Variants in CSNK1G1 observed in about 807,000 individuals in gnomAD.
CSNK1G1 encodes casein kinase I isoform gamma-1.
CSNK1G1 carries 22 observed loss-of-function variants against 59.6 expected under a neutral mutation model. The ratio of observed to expected loss-of-function variants is 0.37; its 90% CI spans 0.26 to 0.53. The LOEUF is 0.53. Among genes scored for constraint, CSNK1G1 ranks in the 20% least tolerant of loss-of-function variants. The probability of loss-of-function intolerance (pLI) is 0.89; values close to 1 mark genes in which losing one functional copy is unlikely to be tolerated. For missense variants in CSNK1G1, 384 were observed against 519.5 expected (o/e 0.74, Z 2.54); for synonymous variants, 179 against 177.1 (o/e 1.01, Z -0.08).
chr15:64,187,880 T>C (rs908928238), intron 10 of CSNK1G1, among the ~76,000 whole-genome samples: 3 of 152,158 alleles, frequency 2.0e-5, no homozygotes, highest in Non-Finnish European at 4.4e-5. Flanking sequence ...TCACATTGAT[T>C]CCAGGGAGAA....
rs10664838 is a variant in CSNK1G1 at position 64,201,706 on chromosome 15, ATGTGTGTGTGTGTG to A, written c.1107+1362_1107+1375del. On this transcript the variant is annotated intron_variant, in intron 10 of 11. Coordinates refer to ENST00000303052, the MANE Select transcript of CSNK1G1 (RefSeq NM_022048.5). ...TATTTGTGGGTGTACTCCATTGGAC[ATGTGTGTGTGTGTG>A]TGTGTGTGTGTGTGTGTGTGTGTGT... Among the ~76,000 whole-genome samples, 20 of 126,544 alleles carry A rather than the reference ATGTGTGTGTGTGTG, an allele frequency of 1.6e-4. 1 individual carries two copies. Among genetic ancestry groups the A allele is most frequent in the East Asian group, 1.1e-3 (5 of 4,636 alleles). The allele number at this position is 126,544 out of a possible 152,430, so 83.0% of individuals were successfully genotyped here.
In CSNK1G1 at chr15:64,275,865, AT is replaced by A. The variant is rs534899822; in HGVS notation, c.182-16625del. Among the ~76,000 whole-genome samples the A allele has an allele frequency of 4.2e-3, 632 of 152,276 alleles. 2 individuals are homozygous for A. The highest frequency in any genetic ancestry group is 0.015 in the African/African-American group (621 of 41,546). On this transcript the variant is annotated intron_variant, in intron 2 of 11. Transcript: ENST00000303052. ...TTAACTATGTGTATATTAAATCACA[AT>A]TTTTTTAGTGTGAGTTATGATCAAA... is the stretch of plus-strand genomic sequence containing the variant.
chr15:64,199,928 A>G (rs2082087014), intron 10 of CSNK1G1, among the ~76,000 whole-genome samples: 1 of 152,206 alleles, frequency 6.6e-6, no homozygotes, highest in Non-Finnish European at 1.5e-5. Flanking sequence ...AAGAATTTTA[A>G]AAAATAAAAA....
intron 1 of CSNK1G1, among the ~76,000 whole-genome samples, chr15:64,338,751 C>T (rs1227837728): frequency 7.4e-6 from 1 of 134,622 alleles, no homozygotes. Context: ...GGCGCGATAG[C>T]TTACACCTGT....
At chr15:64,234,476 G>C (rs2082589424) in intron 4 of CSNK1G1, among the ~76,000 whole-genome samples, 1 of 152,082 alleles carries the variant, frequency 6.6e-6, no homozygotes, top group African/African-American at 2.4e-5. Flanking sequence ...GAGGCTCAAA[G>C]CAGGTTTTTC....
rs939857481 is a variant in CSNK1G1, at chr15:64,170,182, A to G, written c.*1749T>C. 2 of 152,174 alleles carry G rather than the reference A, an allele frequency of 1.3e-5. No homozygotes were observed. Among genetic ancestry groups the G allele is most frequent in the Non-Finnish European group, 2.9e-5 (2 of 68,022 alleles). The allele number at this position is 152,174 out of a possible 1,614,324, so 9.4% of individuals were successfully genotyped here. Reference sequence around the variant, plus strand: ...TTGTTTGGTTAAGCCACTAAACTCAAATGAAAATTGGGCATGAGAAGAGTA... The same window carrying G: ...TTGTTTGGTTAAGCCACTAAACTCAGATGAAAATTGGGCATGAGAAGAGTA... On this transcript the variant is annotated 3_prime_UTR_variant, in exon 12 of 12. Coordinates refer to ENST00000303052, the MANE Select transcript of CSNK1G1 (RefSeq NM_022048.5).
intron 9 of CSNK1G1, 138 bp from the exon 10 acceptor site, chr15:64,203,327 C>A: frequency 1.5e-6 from 1 of 665,150 alleles, no homozygotes; most frequent in Non-Finnish European, 2.7e-6. Flanking sequence ...GTTGTCTTGT[C>A]TTCTCAGTTT....
At chr15:64,313,769 GA>G (rs1300433857) in intron 1 of CSNK1G1, among the ~76,000 whole-genome samples, 1 of 82,164 alleles carries the variant, frequency 1.2e-5, no homozygotes, top group Non-Finnish European at 2.6e-5. Context: ...TTAAAAGTAA[GA>G]AAAAAAATCT....
rs909187906 is a variant in CSNK1G1 at position 64,210,650 on chromosome 15, G to A, written c.680-3056C>T. On this transcript the variant is annotated intron_variant, in intron 6 of 11. Transcript: ENST00000303052. This position sits in a 1 kb window ranked among gnomAD's most constrained non-coding sequence, Gnocchi z 4.2. The stretch of plus-strand genomic sequence containing the variant: ...ATATTTGTTGAAGGCAGGGAGCAAG[G>A]TAACCCAGTGTTCTCACCCTAATTT... Among the ~76,000 whole-genome samples the A allele has an allele frequency of 6.6e-6, 1 of 152,098 alleles. No homozygotes were observed. Among genetic ancestry groups the A allele is most frequent in the Non-Finnish European group, 1.5e-5 (1 of 68,018 alleles).
chr15:64,265,905 G>A (rs1411109259), intron 2 of CSNK1G1: 4 of 440,238 alleles, frequency 9.1e-6, no homozygotes, highest in East Asian at 1.4e-4. Context: ...CAACATATGA[G>A]ACACTGCATC....
chr15:64,171,728 G>T lies in CSNK1G1; in HGVS notation c.*203C>A. 1 of 607,982 alleles carries T rather than the reference G, an allele frequency of 1.6e-6. No individual in the cohort carries two copies. The allele number at this position is 607,982 out of a possible 1,614,324, so 37.7% of individuals were successfully genotyped here. A position where few individuals can be genotyped will look rare whatever the true frequency, so the allele number is the denominator to read the frequency against. On this transcript the variant is annotated 3_prime_UTR_variant, in exon 12 of 12. Transcript: ENST00000303052. The surrounding 1 kb of genome is among the most constrained non-coding windows in gnomAD (Gnocchi z 4.8). ...ACAGCAGCTCTGGGACCTGCTCAGA[G>T]CCTTAGGCAGGCGGAGATGGCCAAT... is the stretch of plus-strand genomic sequence containing the variant.
intron 2 of CSNK1G1, among the ~76,000 whole-genome samples, chr15:64,265,098 T>C (rs1046956132): frequency 3.9e-5 from 6 of 152,066 alleles, no homozygotes; most frequent in Non-Finnish European, 5.9e-5. Flanking sequence ...GACCACATAA[T>C]CATATATATA....
chr15:64,211,098 T>C (rs1170728884), intron 6 of CSNK1G1, among the ~76,000 whole-genome samples: 1 of 152,170 alleles, frequency 6.6e-6, no homozygotes, highest in Non-Finnish European at 1.5e-5. Context: ...CTTTTCTTTA[T>C]AAAATGACCC....
At chr15:64,192,483 A>C (rs568230360) in intron 10 of CSNK1G1, among the ~76,000 whole-genome samples, 1 of 152,340 alleles carries the variant, frequency 6.6e-6, no homozygotes, top group South Asian at 2.1e-4. Context: ...ACTTGAGAAA[A>C]CACAGAAGAC....
intron 4 of CSNK1G1, among the ~76,000 whole-genome samples, chr15:64,234,326 C>G (rs2082587708): frequency 6.6e-6 from 1 of 151,522 alleles, no homozygotes; most frequent in Non-Finnish European, 1.5e-5. Context: ...TTGCTGTTGC[C>G]CTAATATTTA....
rs189703107 is a variant in CSNK1G1 at position 64,251,459 on chromosome 15, G to A, written c.292+53C>T. On this transcript the variant is annotated intron_variant, in intron 4 of 11. Transcript: ENST00000303052. Reference sequence around the variant, plus strand: ...AGACAAAAAAATTTGTATATTTTAGGGCTTCCAGCTAAGATACATACTAAG... The same window carrying A: ...AGACAAAAAAATTTGTATATTTTAGAGCTTCCAGCTAAGATACATACTAAG... The A allele has an allele frequency of 3.7e-3, 4,846 of 1,303,464 alleles. 27 individuals are homozygous for A. Among genetic ancestry groups the A allele is most frequent in the Non-Finnish European group, 4.7e-3 (4,386 of 926,178 alleles). 80.7% of individuals were successfully genotyped at this position (1,303,464 alleles called of 1,614,324 possible). A position where few individuals can be genotyped will look rare whatever the true frequency, so the allele number is the denominator to read the frequency against.
intron 1 of CSNK1G1, among the ~76,000 whole-genome samples, chr15:64,310,166 T>A (rs1347122226): frequency 2.6e-5 from 4 of 152,088 alleles, no homozygotes; most frequent in African/African-American, 9.7e-5. Flanking sequence ...AGTATTCTTA[T>A]CTGGGTGCTT....
rs141345690 is a variant in CSNK1G1, at chr15:64,214,290, T to C, written c.445-166A>G. On this transcript the variant is annotated intron_variant, in intron 5 of 11. Coordinates refer to ENST00000303052, the MANE Select transcript of CSNK1G1 (RefSeq NM_022048.5). The surrounding 1 kb of genome is among the most constrained non-coding windows in gnomAD (Gnocchi z 4.3). ...CACTGACTTGTAAACAAAAAAATAT[T>C]TTGCTATAAATACGTACACAACAAA... is the stretch of plus-strand genomic sequence containing the variant. The C allele has an allele frequency of 1.2e-4, 74 of 614,246 alleles. No individual in the cohort carries two copies. The highest frequency in any genetic ancestry group is 1.1e-3 in the African/African-American group (59 of 54,134). The allele number at this position is 614,246 out of a possible 1,614,324, so 38.0% of individuals were successfully genotyped here.
intron 1 of CSNK1G1, among the ~76,000 whole-genome samples, chr15:64,312,114 A>G (rs1204087317): frequency 6.6e-6 from 1 of 152,236 alleles, no homozygotes; most frequent in Non-Finnish European, 1.5e-5. Context: ...GAGAGGACAC[A>G]AATGGAAAAA....
Sources: gnomAD v4.1 joint callset for allele counts (sites outside exome capture counted in the v4.1 genomes callset) on GRCh38, gnomAD v4.1.1 for gene constraint, Gnocchi (gnomAD v3.1) non-coding constraint, MANE v1.5 for transcripts, NCBI Gene and HGNC (gene_info 2026-07-23, HGNC 2026-07-21) for gene names.